The following SNX14 variants were observed in gnomAD, a reference collection of about 807,000 sequenced individuals.
SNX14 encodes the protein sorting nexin 14.
A neutral mutation model predicts 133.8 loss-of-function variants in SNX14; 93 were observed. That is an observed-to-expected ratio of 0.70 (90% CI 0.59 to 0.83). The LOEUF (loss-of-function observed/expected upper bound fraction) is 0.83. Ranked by LOEUF, SNX14 falls within the 40% of genes least tolerant of loss-of-function variation. The pLI is 0.00. For missense variants in SNX14, 945 were observed against 1,094.9 expected (o/e 0.86, Z 1.93); for synonymous variants, 368 against 365.6 (o/e 1.01, Z -0.07).
intron 14 of SNX14, among the ~76,000 whole-genome samples, chr6:85,542,875 T>A (rs1316540800): frequency 6.6e-6 from 1 of 152,080 alleles, no homozygotes; most frequent in Non-Finnish European, 1.5e-5. Flanking sequence ...CAAGCTATTC[T>A]CCTGCCTCAG....
intron 5 of SNX14, among the ~76,000 whole-genome samples, chr6:85,565,707 TAAGCAACACCA>T (rs1324017434): frequency 6.6e-6 from 1 of 152,204 alleles, no homozygotes; most frequent in Non-Finnish European, 1.5e-5. Context: ...GATTATGTTC[TAAGCAACACCA>T]AAGAAAGTTC....
At chr6:85,592,306 T>C (rs1211319130) in intron 1 of SNX14, among the ~76,000 whole-genome samples, 4 of 152,180 alleles carry the variant, frequency 2.6e-5, no homozygotes, top group Non-Finnish European at 5.9e-5. Context: ...TAGTCACAAA[T>C]AATGGTTACA....
At chr6:85,569,900 T>A (rs1242302494) in intron 4 of SNX14, among the ~76,000 whole-genome samples, 1 of 152,164 alleles carries the variant, frequency 6.6e-6, no homozygotes, top group African/African-American at 2.4e-5. Flanking sequence ...CTCCCTCACA[T>A]TTTACTCTCC....
intron 1 of SNX14, among the ~76,000 whole-genome samples, chr6:85,579,393 C>G (rs747956794): frequency 6.6e-6 from 1 of 152,196 alleles, no homozygotes; most frequent in African/African-American, 2.4e-5. Flanking sequence ...ATCCTCCCCA[C>G]AGGAACACCA....
chr6:85,524,160 C>A (rs1325634223), intron 21 of SNX14, among the ~76,000 whole-genome samples: 1 of 150,264 alleles, frequency 6.7e-6, no homozygotes, highest in East Asian at 2.0e-4. Flanking sequence ...CCAGCCTGGG[C>A]GACAGCGACA....
At chr6:85,528,947 G>A (rs567360986) in intron 19 of SNX14, among the ~76,000 whole-genome samples, 29 of 152,022 alleles carry the variant, frequency 1.9e-4, no homozygotes, top group Admixed American at 1.8e-3. Context: ...AGCTACTTAG[G>A]AGGCTGAGGC....
In SNX14 at chr6:85,565,851, G is replaced by A. The variant is rs796196817; in HGVS notation, c.462-432C>T. Among the ~76,000 whole-genome samples the A allele has an allele frequency of 1.1e-4, 16 of 152,218 alleles. No individual in the cohort carries two copies. In the East Asian group the frequency reaches 2.5e-3, roughly 24 times the overall value. On this transcript the variant is annotated intron_variant, in intron 5 of 28. Coordinates refer to ENST00000314673, the MANE Select transcript of SNX14 (RefSeq NM_153816.6). ...AAACAAAAAAATGTGTGCTCTATTT[G>A]AAAAAGAAATTAAATGAACTGAAAC...
At chr6:85,533,441 A>T (rs1200587503) in intron 18 of SNX14, among the ~76,000 whole-genome samples, 158 bp downstream of exon 18, 1 of 152,210 alleles carries the variant, frequency 6.6e-6, no homozygotes, top group African/African-American at 2.4e-5. Flanking sequence ...ATAACCTAGG[A>T]CATCCTAAGC....
At chr6:85,578,096 G>A (rs1298844512) in intron 1 of SNX14, among the ~76,000 whole-genome samples, 2 of 152,050 alleles carry the variant, frequency 1.3e-5, no homozygotes, top group Admixed American at 1.3e-4. Context: ...TTTAAATGGT[G>A]ATATAGGAGA....
chr6:85,553,320 A>T (rs1788457864), intron 7 of SNX14, among the ~76,000 whole-genome samples: 1 of 152,224 alleles, frequency 6.6e-6, no homozygotes, highest in African/African-American at 2.4e-5. Flanking sequence ...TTATTTGCCA[A>T]GCTTTTCTCC....
At position 85,505,899 on chromosome 6, in the gene SNX14, A is replaced by C; in HGVS notation, c.*68T>G. 9.0e-7 allele frequency: 1 copy of C among 1,110,058 alleles called. No homozygotes were observed. The allele number at this position is 1,110,058 out of a possible 1,614,324, so 68.8% of individuals were successfully genotyped here. A position where few individuals can be genotyped will look rare whatever the true frequency, so the allele number is the denominator to read the frequency against. ...TAATATATATAAGAATATACCCAAA[A>C]AAGTAAATTTCTACCACCCTCGCAC... On this transcript the variant is annotated 3_prime_UTR_variant, in exon 29 of 29. Coordinates refer to ENST00000314673, the MANE Select transcript of SNX14 (RefSeq NM_153816.6).
intron 1 of SNX14, among the ~76,000 whole-genome samples, chr6:85,587,968 G>C (rs1345625219): frequency 6.6e-6 from 1 of 152,130 alleles, no homozygotes; most frequent in Non-Finnish European, 1.5e-5. Context: ...GGAGGAGCGG[G>C]GGGCAGGGTG....
At chr6:85,592,813 C>T (rs1040881693) in intron 1 of SNX14, among the ~76,000 whole-genome samples, 1 of 145,758 alleles carries the variant, frequency 6.9e-6, no homozygotes, top group South Asian at 2.2e-4. Flanking sequence ...AACGGTGAAA[C>T]CCCGTCTCTA....
chr6:85,566,441 T>C (rs980256862), intron 5 of SNX14, among the ~76,000 whole-genome samples: 2 of 152,254 alleles, frequency 1.3e-5, no homozygotes, highest in East Asian at 3.9e-4. Context: ...CTCACACCTA[T>C]AATCCCAACA....
At chr6:85,591,779 G>A (rs144255120) in intron 1 of SNX14, among the ~76,000 whole-genome samples, 1 of 152,300 alleles carries the variant, frequency 6.6e-6, no homozygotes, top group Non-Finnish European at 1.5e-5. Flanking sequence ...GGAGGCTGAG[G>A]TAGGTGGATC....
chr6:85,559,045 T>G (rs1047077447), intron 6 of SNX14, among the ~76,000 whole-genome samples: 26 of 152,180 alleles, frequency 1.7e-4, no homozygotes, highest in African/African-American at 6.3e-4. Flanking sequence ...ATATATTTCC[T>G]TTATCAAAGG....
At chr6:85,526,280 AGAG>A (rs1242084025) in intron 20 of SNX14, 43 bp from the exon 21 acceptor site, 3 of 1,199,482 alleles carry the variant, frequency 2.5e-6, no homozygotes, top group African/African-American at 1.5e-5. Flanking sequence ...TTAGAAATCT[AGAG>A]GAGTAGTCAA....
chr6:85,508,455 A>C, intron 26 of SNX14: 1 of 876,698 alleles, frequency 1.1e-6, no homozygotes, highest in Non-Finnish European at 1.4e-6. Context: ...AATGCATGGA[A>C]AAATGTAAGG....
chr6:85,528,956 G>A (rs1779332025), intron 19 of SNX14, among the ~76,000 whole-genome samples: 1 of 151,982 alleles, frequency 6.6e-6, no homozygotes, highest in Non-Finnish European at 1.5e-5. Context: ...GGAGGCTGAG[G>A]CAGGAGAATC....
Sources: gnomAD v4.1 joint callset for allele counts (sites outside exome capture counted in the v4.1 genomes callset) on GRCh38, gnomAD v4.1.1 for gene constraint, MANE v1.5 for transcripts, NCBI Gene and HGNC (gene_info 2026-07-23, HGNC 2026-07-21) for gene names.